RAP1B: variants seen among roughly 807,000 people sequenced by gnomAD.
The protein encoded by RAP1B is RAP1B, member of RAS oncogene family.
In RAP1B, 1 loss-of-function variant was observed where a neutral mutation model predicts 27.5. The ratio of observed to expected loss-of-function variants is 0.04; its 90% CI spans 0.01 to 0.17. The LOEUF (loss-of-function observed/expected upper bound fraction) is 0.17, where lower values mean the gene tolerates loss of function less well. Among genes scored for constraint, RAP1B ranks in the 10% least tolerant of loss-of-function variants. The probability of loss-of-function intolerance (pLI) is 1.00; values close to 1 mark genes in which losing one functional copy is unlikely to be tolerated. For synonymous variants in RAP1B, 75 were observed against 73.1 expected, an observed-to-expected ratio of 1.03 and a Z score of -0.13; for missense variants, 84 against 214.8, an observed-to-expected ratio of 0.39 and a Z score of 3.81.
intron 1 of RAP1B, among the ~76,000 whole-genome samples, chr12:68,614,699 G>A (rs1870853824): frequency 6.6e-6 from 1 of 152,206 alleles, no homozygotes; most frequent in Non-Finnish European, 1.5e-5. Flanking sequence ...AACAAGTTAA[G>A]ACATTTTGGC....
chr12:68,638,439 T>C (rs1303307223), intron 1 of RAP1B, among the ~76,000 whole-genome samples: 1 of 152,202 alleles, frequency 6.6e-6, no homozygotes, highest in Non-Finnish European at 1.5e-5. Context: ...GAGTGCCCAC[T>C]AGTCTTAATG....
At chr12:68,611,444 C>G (rs1436473198) in intron 1 of RAP1B, among the ~76,000 whole-genome samples, 2 of 151,268 alleles carry the variant, frequency 1.3e-5, no homozygotes, top group Non-Finnish European at 3.0e-5. Context: ...GCTCCCCGCC[C>G]CGAGCCCCCT....
chr12:68,615,031 T>C (rs900356772), intron 1 of RAP1B, among the ~76,000 whole-genome samples: 3 of 152,224 alleles, frequency 2.0e-5, no homozygotes, highest in Non-Finnish European at 4.4e-5. Context: ...AGTTTCTATT[T>C]TAAACAAGAA....
intron 1 of RAP1B, chr12:68,624,968 A>G (rs545466424): frequency 2.0e-5 from 3 of 152,234 alleles, no homozygotes; most frequent in Non-Finnish European, 4.4e-5. Flanking sequence ...TGGTTATTCT[A>G]ACAGCCTAGT....
At chr12:68,646,024 A>C (rs1008126664) in intron 1 of RAP1B, among the ~76,000 whole-genome samples, 12 of 152,200 alleles carry the variant, frequency 7.9e-5, no homozygotes, top group African/African-American at 1.9e-4. Context: ...TCATTCTAGC[A>C]ACAAATAATA....
rs1015706143 is a variant in RAP1B, at chr12:68,663,506, A to G, written c.*4257A>G. Reference sequence around the variant, plus strand: ...GGATACCTGTTGAAACAAGACTACTAAACAGATTAATCAACTAATTCCATA... The same window carrying G: ...GGATACCTGTTGAAACAAGACTACTGAACAGATTAATCAACTAATTCCATA... On this transcript the variant is annotated 3_prime_UTR_variant, in exon 8 of 8. Transcript: ENST00000250559. The G allele has an allele frequency of 6.6e-6, 1 of 152,242 alleles. No individual in the cohort carries two copies. Among genetic ancestry groups the G allele is most frequent in the African/African-American group, 2.4e-5 (1 of 41,474 alleles). The allele number at this position is 152,242 out of a possible 1,614,324, so 9.4% of individuals were successfully genotyped here.
At chr12:68,627,292 C>T (rs895359651) in intron 1 of RAP1B, 16 of 848,922 alleles carry the variant, frequency 1.9e-5, no homozygotes, top group Middle Eastern at 2.2e-4. Context: ...GCTGCATACA[C>T]TACCAAGGAA....
chr12:68,648,704 A>C lies in RAP1B; in HGVS notation c.-21A>C, dbSNP rs879122028. The C allele has an allele frequency of 3.7e-6, 6 of 1,605,140 alleles. No individual in the cohort carries two copies. The highest frequency in any genetic ancestry group is 1.1e-5 in the South Asian group (1 of 89,776). ...TTTTTTTTTCCTTTAATAAGGTACT[A>C]GGTTTTGACAAGCTTGCATCATGCG... is the stretch of plus-strand genomic sequence containing the variant. On this transcript the variant is annotated 5_prime_UTR_variant, in exon 2 of 8. Transcript: ENST00000250559.
At chr12:68,640,454 G>T (rs1321456539) in intron 1 of RAP1B, among the ~76,000 whole-genome samples, 2 of 152,022 alleles carry the variant, frequency 1.3e-5, no homozygotes, top group African/African-American at 2.4e-5. Flanking sequence ...GCCTAGAATA[G>T]TGCCTAACAT....
chr12:68,657,231 T>C lies in RAP1B; in HGVS notation c.*30+14T>C, dbSNP rs200130212. 50 of 1,512,178 alleles carry C rather than the reference T, an allele frequency of 3.3e-5. No homozygotes were observed. The Admixed American group carries it at 4.5e-4, about 14-fold the overall frequency. The allele number at this position is 1,512,178 out of a possible 1,614,324, so 93.7% of individuals were successfully genotyped here. The stretch of plus-strand genomic sequence containing the variant: ...GCTCTGAGCCAGGTATGTTCACTTA[T>C]CTTTCCTCTAACTTTTAATCACTCA... On this transcript the variant is annotated intron_variant, in intron 7 of 7. Coordinates refer to ENST00000250559, the MANE Select transcript of RAP1B (RefSeq NM_001010942.3).
At chr12:68,655,920 G>T (rs1483230118) in intron 5 of RAP1B, among the ~76,000 whole-genome samples, 1 of 152,078 alleles carries the variant, frequency 6.6e-6, no homozygotes, top group African/African-American at 2.4e-5. Flanking sequence ...AAATTTTAAG[G>T]TTTTTTCCCC....
intron 1 of RAP1B, among the ~76,000 whole-genome samples, chr12:68,623,973 A>G (rs12321042): frequency 0.053 from 7,988 of 151,838 alleles, 697 homozygotes; most frequent in African/African-American, 0.18. Flanking sequence ...GTGAGCCGAG[A>G]TTGCGCCATG....
chr12:68,629,749 T>C (rs1419107992), intron 1 of RAP1B, among the ~76,000 whole-genome samples: 2 of 152,196 alleles, frequency 1.3e-5, no homozygotes, highest in African/African-American at 2.4e-5. Flanking sequence ...CATAGAGGTA[T>C]TGAATGAATG....
chr12:68,645,157 A>G (rs969755454), intron 1 of RAP1B, among the ~76,000 whole-genome samples: 1 of 152,244 alleles, frequency 6.6e-6, no homozygotes, highest in Non-Finnish European at 1.5e-5. Context: ...AAACAAAAAA[A>G]ATCCCTATCC....
At chr12:68,653,106 G>A (rs1873933370) in intron 4 of RAP1B, among the ~76,000 whole-genome samples, 1 of 152,186 alleles carries the variant, frequency 6.6e-6, no homozygotes, top group Non-Finnish European at 1.5e-5. Context: ...CTACTCGGGA[G>A]GCTGAGGCAG....
At chr12:68,631,007 C>T (rs1872196293) in intron 1 of RAP1B, among the ~76,000 whole-genome samples, 1 of 151,954 alleles carries the variant, frequency 6.6e-6, no homozygotes, top group Non-Finnish European at 1.5e-5. Context: ...CATACATCTG[C>T]TTTATTTGTT....
Position 68,667,367 on chromosome 12 carries a change from A to G in RAP1B, c.*8118A>G, listed in dbSNP as rs1874899999. 6.6e-6 allele frequency: 1 copy of G among 152,194 alleles called. No individual in the cohort carries two copies. The highest frequency in any genetic ancestry group is 2.1e-4 in the South Asian group (1 of 4,828). 9.4% of individuals were successfully genotyped at this position (152,194 alleles called of 1,614,324 possible). ...GAGTGTAATATCTAGAGGTACATGAAAAAAAGAAATGGAAGGAATGGACAG... is the reference window on the plus strand; with the variant it reads ...GAGTGTAATATCTAGAGGTACATGAGAAAAAGAAATGGAAGGAATGGACAG... On this transcript the variant is annotated 3_prime_UTR_variant, in exon 8 of 8. Transcript: ENST00000250559.
rs1322089608 is a variant in RAP1B, at chr12:68,671,777, AAAT to A, written c.*12531_*12533del. 1 of 152,148 alleles carries A rather than the reference AAAT, an allele frequency of 6.6e-6. No homozygotes were observed. The highest frequency in any genetic ancestry group is 2.4e-5 in the African/African-American group (1 of 41,418). The allele number at this position is 152,148 out of a possible 1,614,324, so 9.4% of individuals were successfully genotyped here. ...AGAAGAGACATTGTCAGTAACAAGT[AAAT>A]AACATTTTCTGGAATATAAAAAAAA... On this transcript the variant is annotated 3_prime_UTR_variant, in exon 8 of 8. Transcript: ENST00000250559.
chr12:68,656,785 C>T (rs1013268220), intron 6 of RAP1B: 29 of 523,248 alleles, frequency 5.5e-5, no homozygotes, highest in Admixed American at 2.2e-4. Flanking sequence ...TCTTGAAAGG[C>T]TCCAAGTCAT....
Sources: allele counts gnomAD v4.1 joint callset (sites outside exome capture counted in the v4.1 genomes callset), GRCh38; gene constraint gnomAD v4.1.1; transcripts MANE v1.5; gene names NCBI Gene and HGNC (gene_info 2026-07-23, HGNC 2026-07-21).